Variants in UST observed in about 807,000 individuals in gnomAD.
UST encodes the protein chondroitin sulfate 2-O-sulfotransferase.
In UST, 21 loss-of-function variants were observed where a neutral mutation model predicts 45.6. That is an observed-to-expected ratio of 0.46 (90% CI 0.33 to 0.66). UST has a LOEUF of 0.66. UST is among the 30% of genes least tolerant of loss of function. UST has a pLI of 0.02. For synonymous variants in UST, 215 were observed against 200.6 expected, an observed-to-expected ratio of 1.07 and a Z score of -0.61; for missense variants, 463 against 512.4, an observed-to-expected ratio of 0.90 and a Z score of 0.93.
chr6:149,021,548 A>AG, intron 7 of UST, 67 bp downstream of exon 7: 1 of 1,546,730 alleles, frequency 6.5e-7, no homozygotes, highest in East Asian at 2.3e-5. Context: ...CACCTTGAAA[A>AG]GGCCTCAGGA....
intron 1 of UST, among the ~76,000 whole-genome samples, chr6:148,763,530 ATTTTTG>A (rs1032451336): frequency 1.3e-5 from 2 of 151,722 alleles, no homozygotes; most frequent in Non-Finnish European, 2.9e-5. Flanking sequence ...CCTTTTGTTT[ATTTTTG>A]TTTTTGTTGC....
chr6:149,049,011 A>G (rs947624413), intron 7 of UST, among the ~76,000 whole-genome samples: 1 of 152,198 alleles, frequency 6.6e-6, no homozygotes, highest in Non-Finnish European at 1.5e-5. Flanking sequence ...AACTGATAGA[A>G]AAATCCTGTA....
chr6:148,967,700 A>T (rs1042881967), intron 5 of UST, among the ~76,000 whole-genome samples: 1 of 152,062 alleles, frequency 6.6e-6, no homozygotes, highest in Non-Finnish European at 1.5e-5. Flanking sequence ...TTCCCTGCAC[A>T]CCGCATGCCC....
rs13191451 is a variant in UST, at chr6:148,790,017, A to C, written c.247+42340A>C. The stretch of plus-strand genomic sequence containing the variant: ...TTTTTTTTTTTTTTTTTCCAGCTTT[A>C]AGTGCCTATCCTTTTTGTCTGGGAA... On this transcript the variant is annotated intron_variant, in intron 1 of 7. Coordinates refer to ENST00000367463, the MANE Select transcript of UST (RefSeq NM_005715.3). This position sits in a 1 kb window ranked among gnomAD's most constrained non-coding sequence, Gnocchi z 4.2. Among the ~76,000 whole-genome samples the C allele has an allele frequency of 0.26, 34,941 of 134,818 alleles. 4,656 individuals carry two copies. The highest frequency in any genetic ancestry group is 0.32 in the Non-Finnish European group (20,244 of 63,770). The allele number at this position is 134,818 out of a possible 152,430, so 88.4% of individuals were successfully genotyped here.
chr6:149,039,527 C>A (rs1237842745), intron 7 of UST, among the ~76,000 whole-genome samples: 1 of 152,160 alleles, frequency 6.6e-6, no homozygotes. Flanking sequence ...ATAGTCACAG[C>A]GGCACGGCAA....
intron 1 of UST, among the ~76,000 whole-genome samples, chr6:148,770,749 C>A (rs1465582080): frequency 6.6e-6 from 1 of 152,122 alleles, no homozygotes; most frequent in Non-Finnish European, 1.5e-5. Context: ...GCTTCCTCTG[C>A]AGACAAGGAG....
intron 1 of UST, among the ~76,000 whole-genome samples, chr6:148,762,824 G>A (rs147227303): frequency 3.5e-4 from 54 of 152,168 alleles, no homozygotes; most frequent in African/African-American, 1.2e-3. Flanking sequence ...ACTTCACTTA[G>A]GACAATGGTC....
intron 5 of UST, 33 bp from the exon 6 acceptor site, chr6:149,019,106 C>A (rs1266537680): frequency 6.6e-7 from 1 of 1,508,574 alleles, no homozygotes; most frequent in African/African-American, 1.4e-5. Context: ...GCAGAGACTA[C>A]AAGACATCTG....
chr6:148,935,500 C>T (rs903622932), intron 2 of UST, among the ~76,000 whole-genome samples: 3 of 152,128 alleles, frequency 2.0e-5, no homozygotes, highest in Non-Finnish European at 4.4e-5. Context: ...CTGACAATTG[C>T]AAGTATCTGT....
chr6:148,812,778 G>T (rs927031441), intron 1 of UST, among the ~76,000 whole-genome samples: 1 of 152,180 alleles, frequency 6.6e-6, no homozygotes, highest in African/African-American at 2.4e-5. Flanking sequence ...TTTAACTTCT[G>T]CCATATTTTA....
intron 4 of UST, among the ~76,000 whole-genome samples, chr6:148,954,395 C>T (rs758905254): frequency 8.5e-5 from 13 of 152,278 alleles, no homozygotes; most frequent in African/African-American, 1.2e-4. Flanking sequence ...TTAATACAAT[C>T]GTGTGCCACA....
chr6:149,067,945 C>T (rs900666364), intron 7 of UST, among the ~76,000 whole-genome samples: 2 of 152,138 alleles, frequency 1.3e-5, no homozygotes, highest in East Asian at 1.9e-4. Flanking sequence ...GCAGTTTTAC[C>T]TCTCAGGTGG....
Position 148,836,746 on chromosome 6 carries a change from C to T in UST, c.248-50240C>T, listed in dbSNP as rs114909997. Among the ~76,000 whole-genome samples, 1,042 of 152,256 alleles carry T rather than the reference C, an allele frequency of 6.8e-3. 10 individuals carry two copies. Among genetic ancestry groups the T allele is most frequent in the African/African-American group, 0.024 (977 of 41,540 alleles). On this transcript the variant is annotated intron_variant, in intron 1 of 7. Coordinates refer to ENST00000367463, the MANE Select transcript of UST (RefSeq NM_005715.3). ...CCCTGCAAAAAGATGGACATTGGGT[C>T]CACCAAGTATCCAGACAGGGGCGGG...
intron 2 of UST, among the ~76,000 whole-genome samples, chr6:148,894,744 T>C (rs979461252): frequency 6.6e-6 from 1 of 152,102 alleles, no homozygotes; most frequent in Non-Finnish European, 1.5e-5. Context: ...TTATGCCTTT[T>C]AGGCATTATT....
At chr6:148,793,224 T>A (rs778383804) in intron 1 of UST, among the ~76,000 whole-genome samples, 5 of 152,154 alleles carry the variant, frequency 3.3e-5, no homozygotes, top group African/African-American at 9.7e-5. Flanking sequence ...TAATTTTTTT[T>A]ATGTGTATTT....
At chr6:148,793,277 TAA>T (rs11317825) in intron 1 of UST, among the ~76,000 whole-genome samples, 9 of 149,962 alleles carry the variant, frequency 6.0e-5, no homozygotes, top group Non-Finnish European at 1.3e-4. Flanking sequence ...TTGTAATATG[TAA>T]AAAAAAAAGT....
At chr6:148,802,903 C>T (rs1777078757) in intron 1 of UST, among the ~76,000 whole-genome samples, 1 of 152,186 alleles carries the variant, frequency 6.6e-6, no homozygotes, top group African/African-American at 2.4e-5. Context: ...TTCAATATCT[C>T]TGAGCTTCAT....
chr6:148,925,454 A>T (rs564471272), intron 2 of UST, among the ~76,000 whole-genome samples: 44 of 152,320 alleles, frequency 2.9e-4, no homozygotes, highest in Non-Finnish European at 5.7e-4. Context: ...AAAAGAAAGA[A>T]GAAAAAGAGA....
intron 7 of UST, among the ~76,000 whole-genome samples, chr6:149,037,840 G>T (rs1442162448): frequency 6.6e-6 from 1 of 152,224 alleles, no homozygotes; most frequent in Non-Finnish European, 1.5e-5. Context: ...ACAATCCGAG[G>T]TTATTGGAGA....
Sources: allele counts gnomAD v4.1 joint callset (sites outside exome capture counted in the v4.1 genomes callset), GRCh38; gene constraint gnomAD v4.1.1; non-coding constraint Gnocchi (gnomAD v3.1); transcripts MANE v1.5; gene names NCBI Gene and HGNC (gene_info 2026-07-23, HGNC 2026-07-21).